The following ZZEF1 variants were observed in gnomAD, a reference collection of about 807,000 sequenced individuals.
The protein encoded by ZZEF1 is zinc finger ZZ-type and EF-hand domain-containing protein 1.
ZZEF1 carries 157 observed loss-of-function variants against 342.8 expected under a neutral mutation model. That is an observed-to-expected ratio of 0.46 (90% confidence interval 0.40 to 0.52). The LOEUF (loss-of-function observed/expected upper bound fraction) is 0.52. Ranked by LOEUF, ZZEF1 falls within the 20% of genes least tolerant of loss-of-function variation. The pLI, the probability that ZZEF1 is intolerant of heterozygous loss-of-function variation, is 0.00. For missense variants in ZZEF1, 3,480 were observed against 3,725.6 expected (o/e 0.93, Z 1.72); for synonymous variants, 1,505 against 1,429.1 (o/e 1.05, Z -1.20).
intron 39 of ZZEF1, among the ~76,000 whole-genome samples, chr17:4,039,362 C>T (rs573441766): frequency 2.6e-5 from 4 of 151,998 alleles, no homozygotes; most frequent in East Asian, 2.0e-4. Context: ...CCCAGCTACT[C>T]GGGGGGCTGA....
rs140208035 is a variant in ZZEF1 at position 4,014,384 on chromosome 17, G to A, written c.8277C>T (p.Ser2759=). The change falls in exon 50 of 55, where the codon AGC becomes AGT. Residue 2759 remains serine (S), a synonymous_variant. Coordinates refer to ENST00000381638, the MANE Select transcript of ZZEF1 (RefSeq NM_015113.4). This position sits in a 1 kb window ranked among gnomAD's most constrained non-coding sequence, Gnocchi z 4.4. ...AATCTTTCCACTTCTGCTGAGACCC[G>A]CTGAAGCTGTGTCGGTCTTGCTGGA... is the stretch of plus-strand genomic sequence containing the variant. The part of the protein sequence containing the change: ...SDFQQDRHSF[S]GSQQKWKDFE... The A allele has an allele frequency of 3.7e-6, 6 of 1,614,188 alleles. No homozygotes were observed. Among genetic ancestry groups the A allele is most frequent in the African/African-American group, 1.3e-5 (1 of 75,036 alleles).
chr17:4,008,757 C>A lies in ZZEF1; in HGVS notation c.8805+126G>T. Reference sequence around the variant, plus strand: ...GAGGAAGTGACTGAACTGGAACAAGCTCTGTGTAAGCTCCGGGTGGATTCT... The same window carrying A: ...GAGGAAGTGACTGAACTGGAACAAGATCTGTGTAAGCTCCGGGTGGATTCT... On this transcript the variant is annotated intron_variant, in intron 54 of 54. Coordinates refer to ENST00000381638, the MANE Select transcript of ZZEF1 (RefSeq NM_015113.4). This position sits in a 1 kb window ranked among gnomAD's most constrained non-coding sequence, Gnocchi z 4.2. 1 of 1,447,548 alleles carries A rather than the reference C, an allele frequency of 6.9e-7. No homozygotes were observed. Among genetic ancestry groups the A allele is most frequent in the Non-Finnish European group, 9.1e-7 (1 of 1,097,880 alleles). The allele number at this position is 1,447,548 out of a possible 1,614,324, so 89.7% of individuals were successfully genotyped here.
intron 24 of ZZEF1, 131 bp downstream of exon 24, chr17:4,074,019 G>T: frequency 1.9e-6 from 2 of 1,062,148 alleles, no homozygotes; most frequent in Non-Finnish European, 2.7e-6. Flanking sequence ...TATTCTTTCG[G>T]TTTAAAGGAA....
chr17:4,064,008 G>A (rs1025693873), intron 29 of ZZEF1, among the ~76,000 whole-genome samples: 2 of 151,760 alleles, frequency 1.3e-5, no homozygotes, highest in Non-Finnish European at 2.9e-5. Flanking sequence ...GATTACAGGC[G>A]TGAGCCACCG....
In ZZEF1 at chr17:4,008,721, C is replaced by T. The variant is rs141252775; in HGVS notation, c.8805+162G>A. ...GATAAATGGGGCTCGTGCATGCTCT[C>T]TGAGCACCAGGAGGAAGTGACTGAA... On this transcript the variant is annotated intron_variant, in intron 54 of 54. Coordinates refer to ENST00000381638, the MANE Select transcript of ZZEF1 (RefSeq NM_015113.4). The surrounding 1 kb of genome is among the most constrained non-coding windows in gnomAD (Gnocchi z 4.2). 3 of 1,411,172 alleles carry T rather than the reference C, an allele frequency of 2.1e-6. No individual in the cohort carries two copies. The highest frequency in any genetic ancestry group is 1.6e-5 in the South Asian group (1 of 63,572). The allele number at this position is 1,411,172 out of a possible 1,614,324, so 87.4% of individuals were successfully genotyped here.
chr17:4,138,964 T>A (rs1219468498), intron 1 of ZZEF1, among the ~76,000 whole-genome samples: 1 of 150,916 alleles, frequency 6.6e-6, no homozygotes, highest in East Asian at 1.9e-4. Context: ...CAGACTTTGG[T>A]CCATGGTCCA....
chr17:4,031,866 TG>T (rs1375788792), intron 42 of ZZEF1, among the ~76,000 whole-genome samples: 1 of 152,142 alleles, frequency 6.6e-6, no homozygotes, highest in Non-Finnish European at 1.5e-5. Flanking sequence ...AGAAATTAAA[TG>T]TTCAGAACCT....
At chr17:4,034,706 T>C (rs9894698) in intron 39 of ZZEF1, among the ~76,000 whole-genome samples, 5,625 of 152,262 alleles carry the variant, frequency 0.037, 361 homozygotes, top group African/African-American at 0.13. Context: ...ACATGATATA[T>C]GTAAAATAGG....
intron 45 of ZZEF1, 72 bp from the exon 46 acceptor site, chr17:4,019,841 A>C: frequency 4.4e-6 from 5 of 1,147,006 alleles, no homozygotes; most frequent in South Asian, 1.5e-5. Context: ...AACTGAACTC[A>C]AAACTGAGAA....
chr17:4,016,685 C>T lies in ZZEF1; in HGVS notation c.8002-219G>A. ...ACACTGCAGTCCTTTCAGAATGATG[C>T]TACTTAGAGGTGGTCTGAAAGAACT... On this transcript the variant is annotated intron_variant, in intron 48 of 54. Transcript: ENST00000381638. The surrounding 1 kb of genome is among the most constrained non-coding windows in gnomAD (Gnocchi z 4.4). 1 of 535,586 alleles carries T rather than the reference C, an allele frequency of 1.9e-6. No homozygotes were observed. Among genetic ancestry groups the T allele is most frequent in the Middle Eastern group, 4.7e-4 (1 of 2,108 alleles). The allele number at this position is 535,586 out of a possible 1,614,324, so 33.2% of individuals were successfully genotyped here.
intron 2 of ZZEF1, among the ~76,000 whole-genome samples, chr17:4,117,792 G>C (rs762327191): frequency 6.6e-6 from 1 of 152,074 alleles, no homozygotes; most frequent in South Asian, 2.1e-4. Context: ...AGGAAGTCTT[G>C]CGTATAGAAT....
In ZZEF1 at chr17:4,095,853, G is replaced by A. The variant is rs2058024477; in HGVS notation, c.1891C>T (p.Leu631Phe). Reference protein sequence around the residue: ...EKYDKWKLQELRQFVKSRIGC... With the variant: ...EKYDKWKLQEFRQFVKSRIGC... ...TACCTGCTTTTTACAAATTGCCTGA[G>A]CTCCTGAAGCTTCCATTTGTCATAT... Residue 631 changes from leucine to phenylalanine, a missense_variant, in exon 11 of 55, where the codon CTC becomes TTC. Leu to Phe is a conservative substitution (Grantham distance 22). This residue lies in a region of ZZEF1 where 1,528 missense variants were observed against 1,624.1 expected (regional missense o/e 0.94). Transcript: ENST00000381638. 6.2e-7 allele frequency: 1 copy of A among 1,610,372 alleles called. No individual in the cohort carries two copies. Among genetic ancestry groups the A allele is most frequent in the African/African-American group, 1.3e-5 (1 of 74,744 alleles).
intron 2 of ZZEF1, among the ~76,000 whole-genome samples, chr17:4,119,090 T>C (rs1432891783): frequency 1.3e-5 from 2 of 152,220 alleles, no homozygotes; most frequent in African/African-American, 4.8e-5. Flanking sequence ...TGGTGGGCCT[T>C]ATGGACAGGA....
At chr17:4,123,632 T>C (rs2058525973) in intron 2 of ZZEF1, among the ~76,000 whole-genome samples, 1 of 152,008 alleles carries the variant, frequency 6.6e-6, no homozygotes, top group Admixed American at 6.6e-5. Context: ...GAATGAACAG[T>C]GAAGGCCAAG....
At chr17:4,123,865 G>A (rs1435588507) in intron 2 of ZZEF1, 42 bp downstream of exon 2, 9 of 1,598,098 alleles carry the variant, frequency 5.6e-6, no homozygotes, top group Non-Finnish European at 7.7e-6. Context: ...GTATAGCAAA[G>A]TTCACTTTGG....
Position 4,025,023 on chromosome 17 carries a change from C to A in ZZEF1, c.6988G>T (p.Ala2330Ser), listed in dbSNP as rs143339304. Residue 2330 changes from alanine to serine, a missense_variant, in exon 43 of 55, where the codon GCC becomes TCC. Transcript: ENST00000381638. The stretch of plus-strand genomic sequence containing the variant: ...ATGCTGCTTTGCAGAAGGTGACTGG[C>A]GATAAAGGCAAAGTGCTGGGAGTAC... ...SQYSQHFAFI[A>S]SHLLQSSMDS... is the part of the protein sequence containing the mutation. The A allele has an allele frequency of 5.6e-6, 9 of 1,614,080 alleles. No individual in the cohort carries two copies. Among genetic ancestry groups the A allele is most frequent in the South Asian group, 4.4e-5 (4 of 91,084 alleles).
In ZZEF1 at chr17:4,024,186, G is replaced by GTTT. The variant is rs754985234; in HGVS notation, c.7092+730_7092+732dup. 9.8e-3 allele frequency among the ~76,000 whole-genome samples: 921 copies of GTTT among 94,304 alleles called. 117 individuals are homozygous for GTTT. Among genetic ancestry groups the GTTT allele is most frequent in the African/African-American group, 0.035 (874 of 24,656 alleles). The allele number at this position is 94,304 out of a possible 152,430, so 61.9% of individuals were successfully genotyped here. A position where few individuals can be genotyped will look rare whatever the true frequency, so the allele number is the denominator to read the frequency against. On this transcript the variant is annotated intron_variant, in intron 43 of 54. Transcript: ENST00000381638. ...CATCTCCATGCCAAATATTGCCCAG[G>GTTT]TTTTTTTTTTTTTTTTTTTTTTTTT...
At chr17:4,031,473 G>A (rs1188032859) in intron 42 of ZZEF1, among the ~76,000 whole-genome samples, 1 of 152,128 alleles carries the variant, frequency 6.6e-6, no homozygotes, top group Non-Finnish European at 1.5e-5. Flanking sequence ...CAAGATAATT[G>A]GATGGAGAAA....
At chr17:4,108,961 T>G (rs2058253447) in intron 6 of ZZEF1, among the ~76,000 whole-genome samples, 1 of 152,236 alleles carries the variant, frequency 6.6e-6, no homozygotes, top group Admixed American at 6.5e-5. Flanking sequence ...ACACTATAGG[T>G]ACCTATTATC....
Sources: allele counts gnomAD v4.1 joint callset (sites outside exome capture counted in the v4.1 genomes callset), GRCh38; gene constraint gnomAD v4.1.1; regional missense constraint gnomAD v4.1.1; non-coding constraint Gnocchi (gnomAD v3.1); transcripts MANE v1.5; gene names NCBI Gene and HGNC (gene_info 2026-07-23, HGNC 2026-07-21).